PAPLN: variants seen among roughly 807,000 people sequenced by gnomAD.
The protein encoded by PAPLN is papilin, proteoglycan like sulfated glycoprotein.
PAPLN carries 146 observed loss-of-function variants against 159.0 expected under a neutral mutation model. That is an observed-to-expected ratio of 0.92 (90% confidence interval 0.80 to 1.05). The LOEUF (loss-of-function observed/expected upper bound fraction) is 1.05, where lower values mean the gene tolerates loss of function less well. PAPLN is among the 50% of genes least tolerant of loss of function. PAPLN has a pLI of 0.00. For synonymous variants in PAPLN, 734 were observed against 702.9 expected (o/e 1.04, Z -0.70); for missense variants, 1,720 against 1,743.9 (o/e 0.99, Z 0.24).
In PAPLN at chr14:73,266,519, T is replaced by G; in HGVS notation, c.3282T>G (p.Asp1094Glu). 6.2e-7 allele frequency: 1 copy of G among 1,614,104 alleles called. No individual in the cohort carries two copies. Among genetic ancestry groups the G allele is most frequent in the Non-Finnish European group, 8.5e-7 (1 of 1,180,004 alleles). Reference protein sequence around the residue: ...VSSPRHQLQPDGSLVISRVAV... With the variant: ...VSSPRHQLQPEGSLVISRVAV... ...TCCCCAGACACCAGCTGCAGCCTGA[T>G]GGCTCCCTGGTCATTAGCCGAGTGG... Residue 1094 changes from aspartate (D) to glutamate (E), a missense_variant, in exon 24 of 27, where the codon GAT (aspartate) becomes GAG (glutamate). By Grantham distance (45) the Asp-to-Glu change is conservative. Transcript: ENST00000644200.
intron 5 of PAPLN, among the ~76,000 whole-genome samples, chr14:73,248,249 ATGTGTG>A (rs376447361): frequency 5.2e-5 from 4 of 76,936 alleles, no homozygotes; most frequent in African/African-American, 1.8e-4. Context: ...CATATCCTCT[ATGTGTG>A]TGTGTGTGTG....
At chr14:73,239,222 CTGCAT>C (rs1883281416) in intron 1 of PAPLN, among the ~76,000 whole-genome samples, 1 of 152,228 alleles carries the variant, frequency 6.6e-6, no homozygotes, top group Admixed American at 6.5e-5. Flanking sequence ...GCACACTGCA[CTGCAT>C]ACACACGTTG....
In PAPLN at chr14:73,245,554, A is replaced by C; in HGVS notation, c.171-82A>C. ...TGCTCCCACTGGAGAGTCCCGCAGA[A>C]GTTGGGGCCTGCAGAGAGCCCCAGA... On this transcript the variant is annotated intron_variant, in intron 3 of 26. Transcript: ENST00000644200. The surrounding 1 kb of genome is among the most constrained non-coding windows in gnomAD (Gnocchi z 4.2). 6.9e-7 allele frequency: 1 copy of C among 1,447,910 alleles called. No individual in the cohort carries two copies. The highest frequency in any genetic ancestry group is 1.2e-5 in the South Asian group (1 of 81,284). The allele number at this position is 1,447,910 out of a possible 1,614,324, so 89.7% of individuals were successfully genotyped here. A position where few individuals can be genotyped will look rare whatever the true frequency, so the allele number is the denominator to read the frequency against.
chr14:73,254,369 G>A, intron 12 of PAPLN, 144 bp from the exon 13 acceptor site: 2 of 972,878 alleles, frequency 2.1e-6, no homozygotes, highest in Non-Finnish European at 3.1e-6. Context: ...TCAGGGGAGT[G>A]AGTCAGCCTC....
intron 17 of PAPLN, 52 bp from the exon 18 acceptor site, chr14:73,261,104 C>T (rs1273494100): frequency 1.2e-6 from 2 of 1,613,696 alleles, no homozygotes; most frequent in South Asian, 1.1e-5. Context: ...CCAGAGTCCC[C>T]AACAATGGCC....
rs972168112 is a variant in PAPLN at position 73,274,452 on chromosome 14, C to A, written c.*1788C>A. On this transcript the variant is annotated 3_prime_UTR_variant, in exon 27 of 27. Coordinates refer to ENST00000644200, the MANE Select transcript of PAPLN (RefSeq NM_001365906.3). ...CACTGGCTGGAAAAGGGACAAACCA[C>A]ATCACGGGTGAGTGATACTTCTCAG... 6.6e-6 allele frequency: 1 copy of A among 152,194 alleles called. No homozygotes were observed. The highest frequency in any genetic ancestry group is 1.5e-5 in the Non-Finnish European group (1 of 68,044). 9.4% of individuals were successfully genotyped at this position (152,194 alleles called of 1,614,324 possible).
rs758130641 is a variant in PAPLN, at chr14:73,251,586, T to C, written c.670+20T>C. Reference sequence around the variant, plus strand: ...TCCTGGGTGAGAGCCTAGGGTTAGGTCCTAGGCAGGTCTGGGGCTGCAGGG... The same window carrying C: ...TCCTGGGTGAGAGCCTAGGGTTAGGCCCTAGGCAGGTCTGGGGCTGCAGGG... On this transcript the variant is annotated intron_variant, in intron 8 of 26. Coordinates refer to ENST00000644200, the MANE Select transcript of PAPLN (RefSeq NM_001365906.3). The C allele has an allele frequency of 3.1e-6, 5 of 1,613,108 alleles. No homozygotes were observed. In the South Asian group the frequency reaches 4.4e-5, roughly 14 times the overall value.
chr14:73,236,789 C>T (rs2140164378), upstream of PAPLN, among the ~76,000 whole-genome samples: 1 of 149,366 alleles, frequency 6.7e-6, no homozygotes, highest in East Asian at 2.0e-4. Flanking sequence ...GCTCTCTACC[C>T]TGGGCAACAA....
intron 14 of PAPLN, among the ~76,000 whole-genome samples, chr14:73,258,166 T>C (rs945738279): frequency 6.6e-6 from 1 of 152,210 alleles, no homozygotes. Context: ...CCTTTTAAAG[T>C]GTACAGGTTG....
At position 73,251,998 on chromosome 14, in the gene PAPLN, C is replaced by T. The variant is rs1458069368; in HGVS notation, c.844-20C>T. On this transcript the variant is annotated intron_variant, in intron 9 of 26. Transcript: ENST00000644200. ...AGTGCTCCCCAGCAGCAGACCCCAA[C>T]AAGGACTCTCCCGTGACAGCTCATC... 4.4e-6 allele frequency: 7 copies of T among 1,595,068 alleles called. No individual in the cohort carries two copies. Among genetic ancestry groups the T allele is most frequent in the Non-Finnish European group, 6.0e-6 (7 of 1,169,570 alleles).
chr14:73,239,668 T>C (rs1161050758), intron 1 of PAPLN, 105 bp from the exon 2 acceptor site: 22 of 1,486,154 alleles, frequency 1.5e-5, no homozygotes, highest in Non-Finnish European at 1.3e-5. Context: ...GCGGGTCTCC[T>C]GGTCACCTGT....
chr14:73,260,916 G>T, intron 17 of PAPLN, 87 bp downstream of exon 17: 1 of 1,476,790 alleles, frequency 6.8e-7, no homozygotes, highest in Non-Finnish European at 8.9e-7. Flanking sequence ...TTGCCGCTTT[G>T]GCCTCGGAGA....
At chr14:73,240,475 C>T (rs1883424489) in intron 2 of PAPLN, among the ~76,000 whole-genome samples, 1 of 152,092 alleles carries the variant, frequency 6.6e-6, no homozygotes, top group Admixed American at 6.5e-5. Flanking sequence ...CAGAGTCTCA[C>T]TCTGTCACCC....
At position 73,241,326 on chromosome 14, in the gene PAPLN, T is replaced by C. The variant is rs1048151778; in HGVS notation, c.54+1494T>C. On this transcript the variant is annotated intron_variant, in intron 2 of 26. Coordinates refer to ENST00000644200, the MANE Select transcript of PAPLN (RefSeq NM_001365906.3). The stretch of plus-strand genomic sequence containing the variant: ...ACCACGTGCTGGTGGCCCAGCTGCA[T>C]GAAGGCCAAAGCCCAGGTGGAGGGG... 2.6e-5 allele frequency among the ~76,000 whole-genome samples: 4 copies of C among 152,150 alleles called. No homozygotes were observed. In the South Asian group the frequency reaches 8.3e-4, roughly 32 times the overall value.
In PAPLN at chr14:73,254,873, T is replaced by C. The variant is rs775068522; in HGVS notation, c.1486-4T>C. 3.1e-5 allele frequency: 50 copies of C among 1,610,950 alleles called. No homozygotes were observed. In the Admixed American group the frequency reaches 5.8e-4, roughly 19 times the overall value. On this transcript the variant is annotated splice_polypyrimidine_tract_variant and splice_region_variant and intron_variant, in intron 13 of 26. Coordinates refer to ENST00000644200, the MANE Select transcript of PAPLN (RefSeq NM_001365906.3). ...TCTCTCTCTCTCCCACTCGTGGGCC[T>C]CAGTGCTCCAAGAGCTGCAGCTCGG...
At chr14:73,238,635 C>G (rs1362708876) in intron 1 of PAPLN, among the ~76,000 whole-genome samples, 1 of 152,258 alleles carries the variant, frequency 6.6e-6, no homozygotes, top group Non-Finnish European at 1.5e-5. Context: ...GAGCTGCCCC[C>G]AGCAGAGCAG....
intron 26 of PAPLN, among the ~76,000 whole-genome samples, chr14:73,269,831 C>T (rs1029515301): frequency 6.6e-6 from 1 of 150,988 alleles, no homozygotes; most frequent in African/African-American, 2.5e-5. Flanking sequence ...GGCTGCAGCG[C>T]CATGCCAGGA....
intron 1 of PAPLN, 41 bp from the exon 2 acceptor site, chr14:73,239,732 C>T (rs1883324400): frequency 1.3e-6 from 2 of 1,540,074 alleles, no homozygotes; most frequent in Admixed American, 1.9e-5. Flanking sequence ...AGGACAGCTG[C>T]GGGAGCCCCG....
chr14:73,256,532 C>CCAA (rs1211549829), intron 14 of PAPLN, among the ~76,000 whole-genome samples: 1 of 92,758 alleles, frequency 1.1e-5, no homozygotes, highest in Admixed American at 1.2e-4. Flanking sequence ...GACTCTGTCT[C>CCAA]AAAAAAAAAA....
Sources: gnomAD v4.1 joint callset for allele counts (sites outside exome capture counted in the v4.1 genomes callset) on GRCh38, gnomAD v4.1.1 for gene constraint, Gnocchi (gnomAD v3.1) non-coding constraint, MANE v1.5 for transcripts, NCBI Gene and HGNC (gene_info 2026-07-23, HGNC 2026-07-21) for gene names.